The following DSE variants were observed in gnomAD, a reference collection of about 807,000 sequenced individuals.
The protein encoded by DSE is dermatan-sulfate epimerase.
In DSE, 36 loss-of-function variants were observed where a neutral mutation model predicts 84.4. The ratio of observed to expected loss-of-function variants is 0.43; its 90% CI spans 0.33 to 0.56. The LOEUF is 0.56. DSE is among the 20% of genes least tolerant of loss of function. The pLI is 0.06. For missense variants in DSE, 862 were observed against 1,169.6 expected (o/e 0.74, Z 3.84); for synonymous variants, 410 against 430.1 (o/e 0.95, Z 0.58).
Position 116,436,681 on chromosome 6 carries a change from A to G in DSE, c.2213A>G (p.Tyr738Cys), listed in dbSNP as rs917359394. Residue 738 changes from tyrosine (Y) to cysteine (C), a missense_variant, in exon 6 of 6, where the codon TAT (tyrosine) becomes TGT (cysteine). Tyr to Cys is a radical substitution (Grantham distance 194). This residue lies in a region of DSE where 315 missense variants were observed against 348.1 expected (regional missense o/e 0.90). Coordinates refer to ENST00000644252, the MANE Select transcript of DSE (RefSeq NM_013352.4). The stretch of plus-strand genomic sequence containing the variant: ...AGCATTGTCCCTGAGGTGAAGGACT[A>G]TGCTGCTATTGTGGAACAGAACTTG... ...KSSIVPEVKD[Y>C]AAIVEQNLQH... 1.5e-5 allele frequency: 24 copies of G among 1,614,084 alleles called. No homozygotes were observed. Among genetic ancestry groups the G allele is most frequent in the East Asian group, 8.9e-5 (4 of 44,896 alleles).
At chr6:116,263,796 A>G (rs951463149) in intron 2 of DSE, among the ~76,000 whole-genome samples, 1 of 152,206 alleles carries the variant, frequency 6.6e-6, no homozygotes, top group African/African-American at 2.4e-5. Flanking sequence ...AAAGCAGATC[A>G]GGTGGTAACA....
intron 2 of DSE, among the ~76,000 whole-genome samples, chr6:116,275,350 TAA>T (rs1773082148): frequency 6.6e-6 from 1 of 152,246 alleles, no homozygotes; most frequent in Admixed American, 6.5e-5. Flanking sequence ...TTCTAATGAC[TAA>T]AAGGGGAAAT....
intron 2 of DSE, among the ~76,000 whole-genome samples, chr6:116,365,296 C>T (rs1390344213): frequency 6.6e-6 from 1 of 152,072 alleles, no homozygotes; most frequent in African/African-American, 2.4e-5. Flanking sequence ...TGCTCTATCG[C>T]CCAGGCTGGA....
At chr6:116,379,451 A>G (rs1157914547) in intron 1 of DSE, among the ~76,000 whole-genome samples, 2 of 151,946 alleles carry the variant, frequency 1.3e-5, no homozygotes, top group Non-Finnish European at 2.9e-5. Context: ...TTTCCAGATT[A>G]CTCCTAGTTC....
intron 2 of DSE, among the ~76,000 whole-genome samples, chr6:116,319,953 C>T (rs1776203622): frequency 6.6e-6 from 1 of 152,216 alleles, no homozygotes; most frequent in Non-Finnish European, 1.5e-5. Context: ...CTCTTGGTAA[C>T]TGTCCCTGAC....
intron 2 of DSE, among the ~76,000 whole-genome samples, chr6:116,409,739 T>A (rs565519401): frequency 6.6e-6 from 1 of 152,292 alleles, no homozygotes; most frequent in South Asian, 2.1e-4. Context: ...AGTAGTGGGA[T>A]AAGTGCTGTG....
At chr6:116,274,328 G>A (rs972187976) in intron 2 of DSE, among the ~76,000 whole-genome samples, 5 of 152,010 alleles carry the variant, frequency 3.3e-5, no homozygotes, top group Non-Finnish European at 5.9e-5. Flanking sequence ...TTGGGAGGCC[G>A]AGGCAGGCAC....
At chr6:116,284,390 G>A (rs925363108) in intron 2 of DSE, among the ~76,000 whole-genome samples, 1 of 152,160 alleles carries the variant, frequency 6.6e-6, no homozygotes, top group African/African-American at 2.4e-5. Context: ...AGGAAACTGA[G>A]GCAAAGAGAG....
Position 116,436,124 on chromosome 6 carries a change from G to A in DSE, c.1656G>A (p.Lys552=). The part of the protein sequence containing the change: ...VGAYNPQLNL[K]NVQRNLILLH... ...CTTATAACCCCCAGCTCAACCTGAA[G>A]AATGTTCAGAGGAATCTCATCCTCC... The change falls in exon 6 of 6, where the codon AAG becomes AAA. Residue 552 remains lysine, a synonymous_variant. Coordinates refer to ENST00000644252, the MANE Select transcript of DSE (RefSeq NM_013352.4). 6.2e-7 allele frequency: 1 copy of A among 1,612,948 alleles called. No individual in the cohort carries two copies. The highest frequency in any genetic ancestry group is 8.5e-7 in the Non-Finnish European group (1 of 1,180,020).
chr6:116,346,891 C>A (rs7757064), intron 2 of DSE, among the ~76,000 whole-genome samples: 30,467 of 152,128 alleles, frequency 0.2, 3,327 homozygotes, highest in East Asian at 0.29. Context: ...AGCCCAAAAT[C>A]TCCTTAAGCT....
intron 2 of DSE, among the ~76,000 whole-genome samples, chr6:116,269,830 A>G (rs1384391841): frequency 6.6e-6 from 1 of 152,196 alleles, no homozygotes; most frequent in African/African-American, 2.4e-5. Context: ...AGGAACATAC[A>G]GTCTGTATTT....
chr6:116,293,715 A>C (rs1403583822), intron 2 of DSE, among the ~76,000 whole-genome samples: 1 of 152,012 alleles, frequency 6.6e-6, no homozygotes, highest in Non-Finnish European at 1.5e-5. Context: ...CAGCCTAGGA[A>C]ACATAGCGAG....
intron 2 of DSE, among the ~76,000 whole-genome samples, chr6:116,416,349 CTG>C (rs59237926): frequency 0.29 from 38,258 of 133,600 alleles, 6,010 homozygotes; most frequent in Non-Finnish European, 0.39. Context: ...CTAATTGCCA[CTG>C]TGTGTGTGTG....
At chr6:116,434,295 T>C (rs1784023877) in intron 5 of DSE, among the ~76,000 whole-genome samples, 2 of 152,220 alleles carry the variant, frequency 1.3e-5, no homozygotes, top group African/African-American at 2.4e-5. Flanking sequence ...CTTTTCAAGC[T>C]GTTGAAATTT....
rs541972869 is a variant in DSE, at chr6:116,305,034, G to A, written c.-54+46067G>A. ...CCACTTAACATTCAAAATCAAAACT[G>A]GTCATCTCCTTCAACCTAGAATCAA... On this transcript the variant is annotated intron_variant, in intron 2 of 3. Coordinates refer to the DSE transcript ENST00000430252. Among the ~76,000 whole-genome samples, 18 of 152,116 alleles carry A rather than the reference G, an allele frequency of 1.2e-4. No individual in the cohort carries two copies. The South Asian group carries it at 2.5e-3, about 21-fold the overall frequency.
intron 2 of DSE, among the ~76,000 whole-genome samples, chr6:116,347,863 C>G (rs569969433): frequency 6.6e-6 from 1 of 152,306 alleles, no homozygotes; most frequent in East Asian, 1.9e-4. Context: ...AGGCAACCTA[C>G]ACAATGGGAG....
At chr6:116,431,337 T>C (rs957991349) in intron 4 of DSE, 144 bp downstream of exon 4, 12 of 1,222,772 alleles carry the variant, frequency 9.8e-6, no homozygotes, top group Middle Eastern at 2.9e-4. Context: ...CAAAGAAAAA[T>C]TGAATTCAAG....
chr6:116,301,515 A>T (rs1450152201), intron 2 of DSE, among the ~76,000 whole-genome samples: 2 of 151,924 alleles, frequency 1.3e-5, no homozygotes, highest in Non-Finnish European at 2.9e-5. Flanking sequence ...TCCTACACTC[A>T]CTCTTCATCT....
At chr6:116,429,792 CA>C (rs555278862) in intron 3 of DSE, among the ~76,000 whole-genome samples, 3 of 59,650 alleles carry the variant, frequency 5.0e-5, no homozygotes, top group Admixed American at 2.0e-4. Context: ...ACTAAAAATA[CA>C]AAAAAAAAAT....
Sources: allele counts gnomAD v4.1 joint callset (sites outside exome capture counted in the v4.1 genomes callset), GRCh38; gene constraint gnomAD v4.1.1; regional missense constraint gnomAD v4.1.1; transcripts MANE v1.5; gene names NCBI Gene and HGNC (gene_info 2026-07-23, HGNC 2026-07-21).